The following MAGI1 variants were observed in gnomAD, a reference collection of about 807,000 sequenced individuals.
MAGI1 encodes the protein membrane-associated guanylate kinase, WW and PDZ domain-containing protein 1.
Under a neutral mutation model 139.9 loss-of-function variants are expected in MAGI1, and 58 were observed. The observed-to-expected ratio is 0.41, with a 90% CI of 0.34 to 0.52. The LOEUF is 0.52. Among genes scored for constraint, MAGI1 ranks in the 20% least tolerant of loss-of-function variants. MAGI1 has a pLI of 0.12. For synonymous variants in MAGI1, 812 were observed against 737.9 expected, an observed-to-expected ratio of 1.10 and a Z score of -1.63; for missense variants, 1,874 against 1,901.6, an observed-to-expected ratio of 0.99 and a Z score of 0.27.
chr3:65,763,663 G>A (rs12639382), intron 1 of MAGI1, among the ~76,000 whole-genome samples: 14 of 151,494 alleles, frequency 9.2e-5, no homozygotes, highest in Non-Finnish European at 1.9e-4. Flanking sequence ...ATATCTGTGC[G>A]CATAAGCATT....
chr3:65,941,408 C>T (rs1298464295), intron 1 of MAGI1, among the ~76,000 whole-genome samples: 1 of 151,976 alleles, frequency 6.6e-6, no homozygotes, highest in African/African-American at 2.4e-5. Context: ...TAATACAAAA[C>T]GGCATCAGAT....
intron 1 of MAGI1, among the ~76,000 whole-genome samples, chr3:65,897,285 A>G (rs2061010039): frequency 6.6e-6 from 1 of 152,136 alleles, no homozygotes; most frequent in Non-Finnish European, 1.5e-5. Flanking sequence ...TTTAATTCCA[A>G]CACTTTGAGG....
intron 1 of MAGI1, among the ~76,000 whole-genome samples, chr3:65,998,146 G>T (rs1028555546): frequency 6.6e-6 from 1 of 150,842 alleles, no homozygotes; most frequent in African/African-American, 2.4e-5. Flanking sequence ...GGTGGATTCC[G>T]TTATTTTTTT....
chr3:65,590,163 T>C (rs1288472094), intron 2 of MAGI1, among the ~76,000 whole-genome samples: 1 of 152,130 alleles, frequency 6.6e-6, no homozygotes, highest in African/African-American at 2.4e-5. Flanking sequence ...CTAGACAAAG[T>C]CAGGTCAGTC....
intron 2 of MAGI1, among the ~76,000 whole-genome samples, chr3:65,550,104 T>C (rs746134374): frequency 3.3e-5 from 5 of 152,240 alleles, no homozygotes; most frequent in South Asian, 2.1e-4. Flanking sequence ...CCCCATTCCA[T>C]AGAAGAAAAG....
chr3:65,489,472 C>T (rs57984729), intron 3 of MAGI1, among the ~76,000 whole-genome samples: 2,817 of 152,180 alleles, frequency 0.019, 85 homozygotes, highest in African/African-American at 0.062. Context: ...ACTTGAAGCA[C>T]TGTTTATAAC....
intron 1 of MAGI1, among the ~76,000 whole-genome samples, chr3:65,841,967 G>C (rs1575670808): frequency 2.0e-5 from 3 of 152,172 alleles, no homozygotes; most frequent in Admixed American, 2.0e-4. Flanking sequence ...TGGTACTATA[G>C]ACAAGAAGGA....
chr3:66,019,489 C>G (rs542915021), intron 1 of MAGI1, among the ~76,000 whole-genome samples: 1 of 152,310 alleles, frequency 6.6e-6, no homozygotes, highest in African/African-American at 2.4e-5. Flanking sequence ...ACAGGCTCTG[C>G]AATTAGAACC....
At chr3:65,662,988 G>C (rs1438359508) in intron 1 of MAGI1, among the ~76,000 whole-genome samples, 1 of 152,252 alleles carries the variant, frequency 6.6e-6, no homozygotes, top group South Asian at 2.1e-4. Flanking sequence ...TGGTAGACCA[G>C]AGACGGGTGC....
At chr3:65,504,174 C>G (rs1216686037) in intron 2 of MAGI1, among the ~76,000 whole-genome samples, 1 of 152,168 alleles carries the variant, frequency 6.6e-6, no homozygotes, top group Non-Finnish European at 1.5e-5. Context: ...GGAACATTCC[C>G]TTTTATGCAC....
At chr3:65,622,177 A>G (rs926213828) in intron 1 of MAGI1, 89 bp from the exon 2 acceptor site, 36 of 925,126 alleles carry the variant, frequency 3.9e-5, no homozygotes, top group Non-Finnish European at 5.5e-5. Context: ...AGAAAGCCAC[A>G]GGATGCAGTT....
At chr3:65,833,628 A>G (rs2042648541) in intron 1 of MAGI1, among the ~76,000 whole-genome samples, 1 of 152,236 alleles carries the variant, frequency 6.6e-6, no homozygotes, top group Non-Finnish European at 1.5e-5. Context: ...TATGTCATAT[A>G]AAATAGAGAA....
At chr3:66,008,182 C>A (rs11918264) in intron 1 of MAGI1, among the ~76,000 whole-genome samples, 2,883 of 152,274 alleles carry the variant, frequency 0.019, 88 homozygotes, top group African/African-American at 0.066. Context: ...TAGGTGTGAG[C>A]CACCATGCCC....
At chr3:65,881,648 C>T (rs2060334038) in intron 1 of MAGI1, among the ~76,000 whole-genome samples, 1 of 152,022 alleles carries the variant, frequency 6.6e-6, no homozygotes, top group African/African-American at 2.4e-5. Context: ...AAAGTTAGGA[C>T]TTCCATATGA....
At chr3:65,376,406 T>G (rs1350029952) in intron 17 of MAGI1, among the ~76,000 whole-genome samples, 1 of 152,222 alleles carries the variant, frequency 6.6e-6, no homozygotes, top group Non-Finnish European at 1.5e-5. Context: ...GTTTTGTTCT[T>G]TCTCTGTTTA....
chr3:65,656,366 G>A (rs543923163), intron 1 of MAGI1, among the ~76,000 whole-genome samples: 18 of 152,248 alleles, frequency 1.2e-4, no homozygotes, highest in Admixed American at 2.6e-4. Flanking sequence ...GCTTAATATT[G>A]GAAATGAGGT....
chr3:66,038,470 C>T lies in MAGI1; in HGVS notation c.-162G>A. The T allele has an allele frequency of 1.0e-6, 1 of 995,594 alleles. No homozygotes were observed. Among genetic ancestry groups the T allele is most frequent in the Non-Finnish European group, 1.4e-6 (1 of 720,026 alleles). 61.7% of individuals were successfully genotyped at this position (995,594 alleles called of 1,614,324 possible). A position where few individuals can be genotyped will look rare whatever the true frequency, so the allele number is the denominator to read the frequency against. On this transcript the variant is annotated 5_prime_UTR_variant, in exon 1 of 23. Transcript: ENST00000402939. ...CCTCGCTCCCCTGCACACGCTCGCG[C>T]ACTCAAGCCATCATAAAACAAACTT... is the stretch of plus-strand genomic sequence containing the variant.
chr3:66,034,683 T>C (rs969736931), intron 1 of MAGI1, among the ~76,000 whole-genome samples: 1 of 152,100 alleles, frequency 6.6e-6, no homozygotes, highest in African/African-American at 2.4e-5. Flanking sequence ...ACTCCAAATG[T>C]CCATAAACAA....
chr3:65,357,181 G>A, intron 22 of MAGI1, 49 bp from the exon 23 acceptor site: 5 of 1,548,116 alleles, frequency 3.2e-6, no homozygotes, highest in South Asian at 2.5e-5. Context: ...AGGTCCCTCG[G>A]CTCCTGTCCC....
Sources: gnomAD v4.1 joint callset for allele counts (sites outside exome capture counted in the v4.1 genomes callset) on GRCh38, gnomAD v4.1.1 for gene constraint, MANE v1.5 for transcripts, NCBI Gene and HGNC (gene_info 2026-07-23, HGNC 2026-07-21) for gene names.